The following ITPR2 variants were observed in gnomAD, a reference collection of about 807,000 sequenced individuals.
The protein encoded by ITPR2 is inositol 1,4,5-trisphosphate-gated calcium channel ITPR2.
Under a neutral mutation model 317.1 loss-of-function variants are expected in ITPR2, and 207 were observed. The observed-to-expected ratio is 0.65, with a 90% CI of 0.58 to 0.73. ITPR2 has a LOEUF of 0.73. Among genes scored for constraint, ITPR2 ranks in the 30% least tolerant of loss-of-function variants. The pLI is 0.00. For synonymous variants in ITPR2, 1,156 were observed against 1,149.1 expected (o/e 1.01, Z -0.12); for missense variants, 2,613 against 3,284.0 (o/e 0.80, Z 4.99).
intron 44 of ITPR2, 90 bp downstream of exon 44, chr12:26,476,822 A>G (rs1942427453): frequency 1.3e-6 from 1 of 760,344 alleles, no homozygotes; most frequent in Admixed American, 2.4e-5. Context: ...AGCAATGAAA[A>G]TCAATCAACT....
chr12:26,553,647 T>C (rs1944585515), intron 36 of ITPR2, among the ~76,000 whole-genome samples: 1 of 151,996 alleles, frequency 6.6e-6, no homozygotes, highest in Non-Finnish European at 1.5e-5. Flanking sequence ...TAGCTGGGCT[T>C]GGTGGCGGTT....
chr12:26,429,578 TTC>T (rs1254131183), intron 48 of ITPR2, among the ~76,000 whole-genome samples: 29 of 152,178 alleles, frequency 1.9e-4, no homozygotes, highest in Admixed American at 3.9e-4. Flanking sequence ...GTCTTCAATT[TTC>T]TCTCTTTCTT....
At chr12:26,488,475 T>G (rs765542749) in intron 39 of ITPR2, among the ~76,000 whole-genome samples, 53 of 152,224 alleles carry the variant, frequency 3.5e-4, no homozygotes, top group Middle Eastern at 3.4e-3. Flanking sequence ...TTGCCTACTC[T>G]GCAATTTTCT....
intron 21 of ITPR2, among the ~76,000 whole-genome samples, chr12:26,634,833 T>G (rs1369153603): frequency 1.5e-5 from 2 of 136,500 alleles, no homozygotes; most frequent in Non-Finnish European, 3.0e-5. Flanking sequence ...ACTAGTGAGT[T>G]GAGACTGCAC....
chr12:26,479,352 T>C (rs1362457974), intron 43 of ITPR2, among the ~76,000 whole-genome samples: 2 of 151,478 alleles, frequency 1.3e-5, no homozygotes, highest in African/African-American at 4.9e-5. Flanking sequence ...CTCACTTAAT[T>C]TTTTTACATA....
At chr12:26,829,911 T>G (rs565056989) in intron 1 of ITPR2, among the ~76,000 whole-genome samples, 1 of 152,200 alleles carries the variant, frequency 6.6e-6, no homozygotes, top group East Asian at 1.9e-4. Flanking sequence ...TTTGTTTTGT[T>G]TGTTTTTTTT....
chr12:26,539,526 G>A (rs955775266), intron 37 of ITPR2, among the ~76,000 whole-genome samples: 31 of 152,218 alleles, frequency 2.0e-4, no homozygotes, highest in East Asian at 3.9e-4. Flanking sequence ...CAGGACGAGC[G>A]CCCTTCCTGG....
intron 26 of ITPR2, among the ~76,000 whole-genome samples, chr12:26,603,005 T>A (rs1946037571): frequency 2.0e-5 from 3 of 152,162 alleles, no homozygotes; most frequent in South Asian, 2.1e-4. Flanking sequence ...ATGAGACATA[T>A]ATATCTCAGA....
chr12:26,476,718 A>G (rs3736183), intron 44 of ITPR2, among the ~76,000 whole-genome samples, 194 bp downstream of exon 44: 1 of 152,146 alleles, frequency 6.6e-6, no homozygotes, highest in Non-Finnish European at 1.5e-5. Context: ...AAACTACTGA[A>G]GTCATAAGGC....
rs1942886222 is a variant in ITPR2 at position 26,494,450 on chromosome 12, AT to A, written c.5183-111del. ...TTTAATAAAAATATTAATCATTGAG[AT>A]TTTTTCCCTACAAAGTTAAATATAA... On this transcript the variant is annotated intron_variant, in intron 38 of 56. Coordinates refer to ENST00000381340, the MANE Select transcript of ITPR2 (RefSeq NM_002223.4). 10 of 728,228 alleles carry A rather than the reference AT, an allele frequency of 1.4e-5. No homozygotes were observed. In the South Asian group the frequency reaches 2.6e-4, roughly 19 times the overall value. The allele number at this position is 728,228 out of a possible 1,614,324, so 45.1% of individuals were successfully genotyped here.
chr12:26,771,828 T>G (rs1026953910), intron 2 of ITPR2, among the ~76,000 whole-genome samples: 1 of 152,174 alleles, frequency 6.6e-6, no homozygotes, highest in Non-Finnish European at 1.5e-5. Flanking sequence ...GTTTGTTTTT[T>G]GGGCTTTGGG....
intron 52 of ITPR2, among the ~76,000 whole-genome samples, chr12:26,409,091 G>T (rs1205333610): frequency 6.6e-6 from 1 of 152,086 alleles, no homozygotes; most frequent in Non-Finnish European, 1.5e-5. Flanking sequence ...GGATAATGAT[G>T]GAAAATGAGG....
chr12:26,712,437 G>A (rs1316707320), intron 8 of ITPR2, among the ~76,000 whole-genome samples: 4 of 152,082 alleles, frequency 2.6e-5, no homozygotes, highest in African/African-American at 9.7e-5. Flanking sequence ...ATACTTCAAA[G>A]TCCTTGAGGT....
At chr12:26,505,506 C>G (rs143025617) in intron 37 of ITPR2, among the ~76,000 whole-genome samples, 214 of 152,304 alleles carry the variant, frequency 1.4e-3, no homozygotes, top group African/African-American at 5.0e-3. Context: ...CTTTAGATCT[C>G]AGCTCAACCA....
chr12:26,339,272 C>T lies in ITPR2; in HGVS notation c.*125G>A. The T allele has an allele frequency of 1.3e-6, 1 of 763,736 alleles. No homozygotes were observed. The highest frequency in any genetic ancestry group is 2.2e-6 in the Non-Finnish European group (1 of 454,988). 47.3% of individuals were successfully genotyped at this position (763,736 alleles called of 1,614,324 possible). The stretch of plus-strand genomic sequence containing the variant: ...TTCTCGGAGCTAACCCACTCAACAT[C>T]TTGGCACTTGGTTGTTTTTAACTTT... On this transcript the variant is annotated 3_prime_UTR_variant, in exon 57 of 57. Coordinates refer to ENST00000381340, the MANE Select transcript of ITPR2 (RefSeq NM_002223.4).
intron 48 of ITPR2, among the ~76,000 whole-genome samples, chr12:26,430,256 A>T (rs114407346): frequency 3.7e-4 from 57 of 152,368 alleles, no homozygotes; most frequent in Middle Eastern, 3.4e-3. Flanking sequence ...TCTCTCTGAC[A>T]AACTCTAGAG....
intron 32 of ITPR2, among the ~76,000 whole-genome samples, chr12:26,587,968 G>A (rs977087985): frequency 6.6e-6 from 1 of 152,198 alleles, no homozygotes; most frequent in African/African-American, 2.4e-5. Flanking sequence ...TTTGTGGAAG[G>A]ACTGGATTTT....
intron 35 of ITPR2, among the ~76,000 whole-genome samples, 172 bp downstream of exon 35, chr12:26,561,590 C>G (rs1026592860): frequency 6.6e-6 from 1 of 152,038 alleles, no homozygotes; most frequent in Admixed American, 6.6e-5. Flanking sequence ...AAATAACTCA[C>G]GACATATGGA....
intron 2 of ITPR2, among the ~76,000 whole-genome samples, chr12:26,765,565 C>CAAGTTTA (rs1256789996): frequency 6.6e-6 from 1 of 152,006 alleles, no homozygotes; most frequent in African/African-American, 2.4e-5. Context: ...GTTGTTTAAA[C>CAAGTTTA]TTGTAATTTA....
Sources: gnomAD v4.1 joint callset for allele counts (sites outside exome capture counted in the v4.1 genomes callset) on GRCh38, gnomAD v4.1.1 for gene constraint, MANE v1.5 for transcripts, NCBI Gene and HGNC (gene_info 2026-07-23, HGNC 2026-07-21) for gene names.